PIEZO2: variants seen among roughly 807,000 people sequenced by gnomAD.
The protein encoded by PIEZO2 is piezo-type mechanosensitive ion channel component 2.
In PIEZO2, 172 loss-of-function variants were observed where a neutral mutation model predicts 337.3. The observed-to-expected ratio is 0.51, with a 90% confidence interval of 0.45 to 0.58. The LOEUF is 0.58. Among genes scored for constraint, PIEZO2 ranks in the 20% least tolerant of loss-of-function variants. The pLI is 0.00. For missense variants in PIEZO2, 3,028 were observed against 3,391.3 expected, an observed-to-expected ratio of 0.89 and a Z score of 2.66; for synonymous variants, 1,251 against 1,228.5, an observed-to-expected ratio of 1.02 and a Z score of -0.38.
chr18:11,114,403 C>G (rs1294273561), intron 1 of PIEZO2, among the ~76,000 whole-genome samples: 2 of 152,176 alleles, frequency 1.3e-5, no homozygotes, highest in Non-Finnish European at 2.9e-5. Flanking sequence ...TGGTGGCTCA[C>G]GCCTGTAATC....
At position 10,929,716 on chromosome 18, in the gene PIEZO2, T is replaced by G. The variant is rs762498123; in HGVS notation, c.287-18488A>C. Among the ~76,000 whole-genome samples the G allele has an allele frequency of 1.3e-5, 2 of 152,202 alleles. No individual in the cohort carries two copies. Among genetic ancestry groups the G allele is most frequent in the Non-Finnish European group, 2.9e-5 (2 of 68,034 alleles). On this transcript the variant is annotated intron_variant, in intron 3 of 55. Coordinates refer to ENST00000674853, the MANE Select transcript of PIEZO2 (RefSeq NM_001378183.1). The surrounding 1 kb of genome is among the most constrained non-coding windows in gnomAD (Gnocchi z 5.6). ...GATACAATAGAGCAGATGGACGGAA[T>G]GTTAGAATGTGTATGCTTGACCTGA...
In PIEZO2 at chr18:10,847,520, G is replaced by A. The variant is rs1281863071; in HGVS notation, c.917+7833C>T. 6.6e-6 allele frequency among the ~76,000 whole-genome samples: 1 copy of A among 152,206 alleles called. No individual in the cohort carries two copies. The highest frequency in any genetic ancestry group is 1.9e-4 in the East Asian group (1 of 5,190). On this transcript the variant is annotated intron_variant, in intron 7 of 55. Transcript: ENST00000674853. This position sits in a 1 kb window ranked among gnomAD's most constrained non-coding sequence, Gnocchi z 5.7. The stretch of plus-strand genomic sequence containing the variant: ...GTGGGCTCGGCGAGAAGCCACAGTT[G>A]CTTTTGTACCCAGTACAGGTGTCGT...
At chr18:10,758,757 G>A (rs1481270053) in intron 26 of PIEZO2, among the ~76,000 whole-genome samples, 1 of 152,140 alleles carries the variant, frequency 6.6e-6, no homozygotes, top group African/African-American at 2.4e-5. Flanking sequence ...TGTCCCCAAA[G>A]CAGAAGCCAC....
chr18:11,065,531 C>T (rs1047071084), intron 2 of PIEZO2, among the ~76,000 whole-genome samples: 2 of 152,320 alleles, frequency 1.3e-5, no homozygotes, highest in South Asian at 2.1e-4. Flanking sequence ...ATATTCCATG[C>T]CTTCAGGTTC....
chr18:10,677,854 T>C lies in PIEZO2; in HGVS notation c.7974A>G (p.Lys2658=). Residue 2658 remains lysine, a synonymous_variant, in exon 53 of 56, where the codon AAA becomes AAG. Transcript: ENST00000674853. The surrounding 1 kb of genome is among the most constrained non-coding windows in gnomAD (Gnocchi z 4.1). ...SIQRNLSLGA[K]SEIATDKLSF... ...AAAGCTTATCTGTTGCTATTTCCGA[T>C]TTTGCACCCAGACTTAAGTTTCTGT... 6.3e-7 allele frequency: 1 copy of C among 1,595,848 alleles called. No homozygotes were observed. Among genetic ancestry groups the C allele is most frequent in the Non-Finnish European group, 8.5e-7 (1 of 1,175,824 alleles).
chr18:10,672,847 T>G lies in PIEZO2; in HGVS notation c.8188A>C (p.Ile2730Leu). The G allele has an allele frequency of 6.2e-7, 1 of 1,607,374 alleles. No homozygotes were observed. Among genetic ancestry groups the G allele is most frequent in the African/African-American group, 1.3e-5 (1 of 74,796 alleles). ...TTAGTTGTATTGTCTCTGGACAAAA[T>G]GATGGTAATATCCATGAAATTATTT... The part of the protein sequence containing the change: ...SENNFMDITI[I>L]LSRDNTTKYN... The change falls in exon 55 of 56, where the codon ATT (isoleucine) becomes CTT (leucine). Residue 2730 changes from isoleucine to leucine, a missense_variant. Transcript: ENST00000674853. The surrounding 1 kb of genome is among the most constrained non-coding windows in gnomAD (Gnocchi z 4.7).
chr18:10,989,951 C>A (rs1279081719), intron 2 of PIEZO2, among the ~76,000 whole-genome samples: 5 of 152,090 alleles, frequency 3.3e-5, no homozygotes, highest in Non-Finnish European at 7.4e-5. Context: ...ATTATAAACT[C>A]CAGATAAATT....
At chr18:10,703,544 A>G (rs1177046705) in intron 42 of PIEZO2, among the ~76,000 whole-genome samples, 1 of 152,230 alleles carries the variant, frequency 6.6e-6, no homozygotes, top group African/African-American at 2.4e-5. Context: ...TAGCATGAGC[A>G]CTGTCATTTA....
Position 10,681,661 on chromosome 18 carries a change from G to C in PIEZO2, c.7779C>G (p.Thr2593=), listed in dbSNP as rs746879076. Residue 2593 remains threonine, a splice_region_variant and synonymous_variant, in exon 51 of 56, where the codon ACC becomes ACG. Coordinates refer to ENST00000674853, the MANE Select transcript of PIEZO2 (RefSeq NM_001378183.1). ...NKFIQAFSRD[T]GAMQFLENYE... is the part of the protein sequence containing the mutation. ...AAATCTACTATAGGGATTTACTTAC[G>C]GTGTCCCTAGAAAAAGCTTGTATAA... is the stretch of plus-strand genomic sequence containing the variant. The C allele has an allele frequency of 5.7e-6, 9 of 1,578,356 alleles. No individual in the cohort carries two copies. In the South Asian group the frequency reaches 1.0e-4, roughly 17 times the overall value.
intron 8 of PIEZO2, 67 bp from the exon 9 acceptor site, chr18:10,804,061 G>A (rs146787624): frequency 1.7e-5 from 25 of 1,495,236 alleles, no homozygotes; most frequent in Middle Eastern, 4.2e-4. Context: ...GGGTGGCCAA[G>A]ACAGAGCTTT....
chr18:10,740,566 A>G (rs2037176944), intron 33 of PIEZO2: 1 of 158,328 alleles, frequency 6.3e-6, no homozygotes, highest in Non-Finnish European at 1.4e-5. Context: ...GCTCACTGGC[A>G]TCCATGCCTA....
rs574381160 is a variant in PIEZO2, at chr18:10,750,239, A to C, written c.4168-52T>G. The C allele has an allele frequency of 1.0e-4, 138 of 1,381,978 alleles. No individual in the cohort carries two copies. The highest frequency in any genetic ancestry group is 1.3e-4 in the Non-Finnish European group (129 of 1,005,786). 85.6% of individuals were successfully genotyped at this position (1,381,978 alleles called of 1,614,324 possible). On this transcript the variant is annotated intron_variant, in intron 28 of 55. Transcript: ENST00000674853. The surrounding 1 kb of genome is among the most constrained non-coding windows in gnomAD (Gnocchi z 4.1). Reference sequence around the variant, plus strand: ...CTGAAGCTCTGCAGCCAGAAAAAAAAGTGGTGTTTTATGATCCCAACATGT... The same window carrying C: ...CTGAAGCTCTGCAGCCAGAAAAAAACGTGGTGTTTTATGATCCCAACATGT...
At chr18:10,926,667 T>G (rs750133525) in intron 3 of PIEZO2, among the ~76,000 whole-genome samples, 1 of 152,176 alleles carries the variant, frequency 6.6e-6, no homozygotes, top group Non-Finnish European at 1.5e-5. Context: ...AAGCAAGAGC[T>G]GATGAAAAAT....
rs959770621 is a variant in PIEZO2, at chr18:10,846,636, G to T, written c.917+8717C>A. Among the ~76,000 whole-genome samples the T allele has an allele frequency of 1.1e-4, 16 of 152,044 alleles. No individual in the cohort carries two copies. The highest frequency in any genetic ancestry group is 3.6e-4 in the African/African-American group (15 of 41,382). On this transcript the variant is annotated intron_variant, in intron 7 of 55. Coordinates refer to ENST00000674853, the MANE Select transcript of PIEZO2 (RefSeq NM_001378183.1). The surrounding 1 kb of genome is among the most constrained non-coding windows in gnomAD (Gnocchi z 4.1). ...TAGTGAGTCAGACATATGCATGAAG[G>T]GATTATTATGGCCCAATGCAGCTGG...
intron 2 of PIEZO2, among the ~76,000 whole-genome samples, chr18:11,043,243 G>GCGCA (rs1491334722): frequency 2.2e-4 from 33 of 149,334 alleles, no homozygotes; most frequent in East Asian, 1.8e-3. Context: ...CCCTTTAAAC[G>GCGCA]CACACACACA....
chr18:10,983,707 TC>T (rs1457688276), intron 2 of PIEZO2, among the ~76,000 whole-genome samples: 1 of 151,796 alleles, frequency 6.6e-6, no homozygotes, highest in Non-Finnish European at 1.5e-5. Flanking sequence ...CTGATGAACT[TC>T]CCCAGCACCC....
rs527508044 is a variant in PIEZO2, at chr18:11,022,083, G to A, written c.161-42423C>T. On this transcript the variant is annotated intron_variant, in intron 2 of 55. Coordinates refer to ENST00000674853, the MANE Select transcript of PIEZO2 (RefSeq NM_001378183.1). The stretch of plus-strand genomic sequence containing the variant: ...TCTGCCTACTCTCACTCAAACAAAC[G>A]GGCGCTGCCTAAAATAAGGACTACG... Among the ~76,000 whole-genome samples the A allele has an allele frequency of 1.2e-4, 18 of 152,234 alleles. No homozygotes were observed. The South Asian group carries it at 2.9e-3, about 25-fold the overall frequency.
At chr18:10,838,579 A>G (rs1168995726) in intron 7 of PIEZO2, among the ~76,000 whole-genome samples, 1 of 152,274 alleles carries the variant, frequency 6.6e-6, no homozygotes, top group Non-Finnish European at 1.5e-5. Context: ...CATCAGGTGC[A>G]GGGTGTGCTG....
At chr18:10,918,115 A>G (rs9960556) in intron 3 of PIEZO2, among the ~76,000 whole-genome samples, 50,774 of 152,022 alleles carry the variant, frequency 0.33, 8,985 homozygotes, top group African/African-American at 0.43. Flanking sequence ...CTAATGGATG[A>G]TATATACCCA....
Sources: gnomAD v4.1 joint callset for allele counts (sites outside exome capture counted in the v4.1 genomes callset) on GRCh38, gnomAD v4.1.1 for gene constraint, Gnocchi (gnomAD v3.1) non-coding constraint, MANE v1.5 for transcripts, NCBI Gene and HGNC (gene_info 2026-07-23, HGNC 2026-07-21) for gene names.